CIROZ: variants seen among roughly 807,000 people sequenced by gnomAD.
CIROZ encodes the protein ciliated left-right organizer ZP-N domains-containing protein.
the CIROZ span, among the ~76,000 whole-genome samples, chr1:10,951,145 G>A: frequency 6.6e-6 from 1 of 152,146 alleles, no homozygotes; most frequent in Non-Finnish European, 1.5e-5. Context: ...TTTAAAATGT[G>A]AAAACAGGCC....
chr1:10,966,696 A>G, the CIROZ span, among the ~76,000 whole-genome samples: 1 of 152,056 alleles, frequency 6.6e-6, no homozygotes, highest in South Asian at 2.1e-4. Flanking sequence ...CCAGAATCCA[A>G]CCCCATCTCC....
the CIROZ span, among the ~76,000 whole-genome samples, chr1:10,950,295 A>G: frequency 2.0e-5 from 3 of 152,212 alleles, no homozygotes; most frequent in South Asian, 4.1e-4. Context: ...TTGGCCTGTT[A>G]AAGTGCTGGG....
chr1:10,956,184 C>T, the CIROZ span, among the ~76,000 whole-genome samples: 1 of 152,196 alleles, frequency 6.6e-6, no homozygotes, highest in Non-Finnish European at 1.5e-5. Flanking sequence ...ACTTTGCACA[C>T]CGAGTTCTTT....
the CIROZ span, among the ~76,000 whole-genome samples, chr1:10,960,517 C>T: frequency 2.0e-5 from 3 of 152,348 alleles, no homozygotes; most frequent in Middle Eastern, 6.8e-3. The surrounding 1 kb of genome is among the most constrained non-coding windows in gnomAD (Gnocchi z 4.6). Context: ...GTGGACATTC[C>T]GCAGGAGCTC....
At chr1:10,956,875 A>G in the CIROZ span, 24 of 673,238 alleles carry the variant, frequency 3.6e-5, no homozygotes, top group African/African-American at 3.5e-4. Flanking sequence ...TGTCCCGAGC[A>G]TTTCTGAAAC....
chr1:10,975,576 G>A, the CIROZ span, among the ~76,000 whole-genome samples: 5 of 148,410 alleles, frequency 3.4e-5, no homozygotes, highest in East Asian at 2.0e-4. Context: ...GCAACAAAGC[G>A]AGACTCTGTC....
chr1:10,951,107 G>A, the CIROZ span, among the ~76,000 whole-genome samples: 1 of 152,030 alleles, frequency 6.6e-6, no homozygotes, highest in East Asian at 1.9e-4. Context: ...GTCCCACCCC[G>A]AGAGGCATTT....
the CIROZ span, chr1:10,969,961 A>G: frequency 6.6e-7 from 1 of 1,523,850 alleles, no homozygotes; most frequent in African/African-American, 1.4e-5. Flanking sequence ...GCCACCGACC[A>G]CCTCTTACCT....
At chr1:10,966,887 AC>A in the CIROZ span, among the ~76,000 whole-genome samples, 330 of 152,116 alleles carry the variant, frequency 2.2e-3, no homozygotes, top group African/African-American at 7.6e-3. Context: ...GGTGGCTCAC[AC>A]CTGTAATCCC....
At chr1:10,952,851 G>A in the CIROZ span, among the ~76,000 whole-genome samples, 51 of 152,290 alleles carry the variant, frequency 3.3e-4, no homozygotes, top group Middle Eastern at 6.8e-3. Context: ...CAGATTGGAC[G>A]CTGCTTGAGA....
the CIROZ span, among the ~76,000 whole-genome samples, chr1:10,968,123 C>T: frequency 1.3e-3 from 192 of 152,312 alleles, 1 homozygote; most frequent in Non-Finnish European, 2.1e-3. Flanking sequence ...TGCACCACTG[C>T]ACTCCAGCCT....
chr1:10,957,798 A>G, the CIROZ span: 1 of 1,587,678 alleles, frequency 6.3e-7, no homozygotes, highest in African/African-American at 1.3e-5. Flanking sequence ...CCAGGGAGGC[A>G]CGGTCACTAG....
chr1:10,969,986 C>T, the CIROZ span: 1 of 1,536,554 alleles, frequency 6.5e-7, no homozygotes, highest in Non-Finnish European at 8.7e-7. Context: ...AGTGCAAGGT[C>T]CTGGCCAGCC....
the CIROZ span, chr1:10,969,945 C>T: frequency 8.6e-6 from 13 of 1,513,992 alleles, no homozygotes; most frequent in African/African-American, 2.8e-5. Flanking sequence ...GCAAAGACCC[C>T]GCCCAGCCAC....
At chr1:10,961,852 CATGAGA>C in the CIROZ span, among the ~76,000 whole-genome samples, 6 of 152,268 alleles carry the variant, frequency 3.9e-5, no homozygotes, top group South Asian at 1.2e-3. Flanking sequence ...CCTGTGATCC[CATGAGA>C]ATCGCTTGAA....
chr1:10,962,374 G>A, the CIROZ span, among the ~76,000 whole-genome samples: 1 of 152,170 alleles, frequency 6.6e-6, no homozygotes, highest in East Asian at 1.9e-4. Context: ...TTGAACCCAG[G>A]AGGCGAAAGT....
At chr1:10,956,528 T>A in the CIROZ span, among the ~76,000 whole-genome samples, 1 of 150,658 alleles carries the variant, frequency 6.6e-6, no homozygotes, top group African/African-American at 2.4e-5. Flanking sequence ...CAGGCTGGAG[T>A]GCAGTGGCAC....
chr1:10,975,644 A>G, the CIROZ span, among the ~76,000 whole-genome samples: 3 of 151,644 alleles, frequency 2.0e-5, no homozygotes, highest in African/African-American at 7.3e-5. Context: ...CCCTCAGCAC[A>G]GGGCCAAGCC....
At chr1:10,969,534 C>T in the CIROZ span, among the ~76,000 whole-genome samples, 1 of 152,166 alleles carries the variant, frequency 6.6e-6, no homozygotes, top group East Asian at 1.9e-4. Context: ...AGAGTGATTT[C>T]GATTTTGGAG....
Sources: gnomAD v4.1 joint callset for allele counts (sites outside exome capture counted in the v4.1 genomes callset) on GRCh38, gnomAD v4.1.1 for gene constraint, Gnocchi (gnomAD v3.1) non-coding constraint, MANE v1.5 for transcripts, NCBI Gene and HGNC (gene_info 2026-07-23, HGNC 2026-07-21) for gene names.